The following MYLK variants were observed in gnomAD, a reference collection of about 807,000 sequenced individuals.
The protein encoded by MYLK is myosin light chain kinase, smooth muscle.
A neutral mutation model predicts 203.4 loss-of-function variants in MYLK; 106 were observed. That is an observed-to-expected ratio of 0.52 (90% CI 0.45 to 0.61). The LOEUF (loss-of-function observed/expected upper bound fraction) is 0.61. MYLK is among the 20% of genes least tolerant of loss of function. The pLI, the probability that MYLK is intolerant of heterozygous loss-of-function variation, is 0.00. For synonymous variants in MYLK, 867 were observed against 959.5 expected (o/e 0.90, Z 1.78); for missense variants, 2,072 against 2,442.3 (o/e 0.85, Z 3.20).
At chr3:123,626,664 G>C (rs2058162151) in intron 31 of MYLK, among the ~76,000 whole-genome samples, 154 bp downstream of exon 31, 1 of 152,176 alleles carries the variant, frequency 6.6e-6, no homozygotes, top group Non-Finnish European at 1.5e-5. Flanking sequence ...GCAAACCACT[G>C]TACCTTAATC....
At chr3:123,742,226 C>T (rs1176845540) in intron 5 of MYLK, among the ~76,000 whole-genome samples, 2 of 152,184 alleles carry the variant, frequency 1.3e-5, no homozygotes, top group East Asian at 3.8e-4. Flanking sequence ...CATATCCCCA[C>T]TAGAACTTCT....
At chr3:123,866,927 A>G (rs1172133347) in intron 2 of MYLK, among the ~76,000 whole-genome samples, 1 of 152,048 alleles carries the variant, frequency 6.6e-6, no homozygotes, top group Admixed American at 6.6e-5. Context: ...TTAACCTGAG[A>G]TCTGCATGTC....
Position 123,639,157 on chromosome 3 carries a change from A to T in MYLK, c.4838-963T>A, listed in dbSNP as rs114284977. The T allele has an allele frequency of 8.0e-4, 594 of 740,858 alleles. 3 individuals carry two copies. In the African/African-American group the frequency reaches 0.011, roughly 14 times the overall value. 45.9% of individuals were successfully genotyped at this position (740,858 alleles called of 1,614,324 possible). On this transcript the variant is annotated intron_variant, in intron 28 of 33. Transcript: ENST00000360304. ...GGACAGTGGCCTATTTGTTTAATTT[A>T]TTGGTGGTCACTGTTCAAAGGCAGG...
chr3:123,665,592 A>G (rs1435896832), intron 22 of MYLK, among the ~76,000 whole-genome samples: 1 of 152,208 alleles, frequency 6.6e-6, no homozygotes, highest in Non-Finnish European at 1.5e-5. Context: ...TCTGCTGATC[A>G]TGCATACAGG....
intron 13 of MYLK, among the ~76,000 whole-genome samples, chr3:123,717,902 C>G (rs2061956079): frequency 7.6e-6 from 1 of 131,354 alleles, no homozygotes; most frequent in Non-Finnish European, 1.5e-5. Context: ...GTCATCCAGG[C>G]TGGAGTCCAG....
chr3:123,702,186 G>A (rs1013166479), intron 16 of MYLK, among the ~76,000 whole-genome samples: 1 of 152,154 alleles, frequency 6.6e-6, no homozygotes, highest in Non-Finnish European at 1.5e-5. Context: ...TCAGGGGAGG[G>A]GCTGTACCCT....
chr3:123,776,336 C>T (rs2064077257), intron 4 of MYLK, among the ~76,000 whole-genome samples: 1 of 152,172 alleles, frequency 6.6e-6, no homozygotes, highest in Non-Finnish European at 1.5e-5. Context: ...TTACTGATAA[C>T]AGTGCAAGCT....
chr3:123,740,101 A>T lies in MYLK; in HGVS notation c.374-100T>A, dbSNP rs961842634. On this transcript the variant is annotated intron_variant, in intron 5 of 33. Coordinates refer to ENST00000360304, the MANE Select transcript of MYLK (RefSeq NM_053025.4). ...AGGGGTGGGTGGGATAGTGATGGTGATCATTAATCTTGACTGAGCATGGGC... is the reference window on the plus strand; with the variant it reads ...AGGGGTGGGTGGGATAGTGATGGTGTTCATTAATCTTGACTGAGCATGGGC... 2.3e-5 allele frequency: 27 copies of T among 1,163,776 alleles called. No individual in the cohort carries two copies. In the African/African-American group the frequency reaches 3.9e-4, roughly 17 times the overall value. The allele number at this position is 1,163,776 out of a possible 1,614,324, so 72.1% of individuals were successfully genotyped here. A position where few individuals can be genotyped will look rare whatever the true frequency, so the allele number is the denominator to read the frequency against.
chr3:123,840,371 TATATATATATATATATATATATGAATCC>T (rs2066561911), intron 2 of MYLK, among the ~76,000 whole-genome samples: 1 of 3,672 alleles, frequency 2.7e-4, no homozygotes, highest in Non-Finnish European at 4.2e-4. Flanking sequence ...CTACAGACAT[TATATATATATATATATATATATGAATCC>T]ATATATATAG....
Position 123,722,128 on chromosome 3 carries a change from C to T in MYLK, c.1804G>A (p.Glu602Lys). ...VSCSAWVTVH[E>K]KKSSRKSEYL... ...TACCCAGGTGCCCAGAGGCTCCTAC[C>T]ATGGACGGTGACCCAGGCGCTGCAG... Residue 602 changes from glutamate to lysine, a missense_variant and splice_region_variant, in exon 13 of 34, where the codon GAA becomes AAA. This residue lies in a region of MYLK where 865 missense variants were observed against 1,016.0 expected (regional missense o/e 0.85). Transcript: ENST00000360304. 1 of 1,564,898 alleles carries T rather than the reference C, an allele frequency of 6.4e-7. No individual in the cohort carries two copies. The highest frequency in any genetic ancestry group is 8.7e-7 in the Non-Finnish European group (1 of 1,154,652).
At position 123,612,770 on chromosome 3, in the gene MYLK, G is replaced by A. The variant is rs2057280414; in HGVS notation, c.*1335C>T. 6.6e-6 allele frequency: 1 copy of A among 152,292 alleles called. No homozygotes were observed. The highest frequency in any genetic ancestry group is 2.4e-5 in the African/African-American group (1 of 41,306). The allele number at this position is 152,292 out of a possible 1,614,324, so 9.4% of individuals were successfully genotyped here. ...TTGGTTCTTAAGGAACTCTTAAAAA[G>A]TCCCTTAAAAATATTAAATTGTTGC... On this transcript the variant is annotated 3_prime_UTR_variant, in exon 34 of 34. Transcript: ENST00000360304.
At chr3:123,826,070 A>C (rs548620354) in intron 3 of MYLK, among the ~76,000 whole-genome samples, 48 of 151,060 alleles carry the variant, frequency 3.2e-4, no homozygotes, top group Admixed American at 1.4e-3. Flanking sequence ...CCCCACCCCC[A>C]AAAAAGGGCC....
intron 3 of MYLK, 64 bp downstream of exon 3, chr3:123,831,484 C>T: frequency 4.0e-6 from 5 of 1,246,776 alleles, no homozygotes; most frequent in Non-Finnish European, 5.2e-6. Context: ...CCCCTCTCTG[C>T]AGCCTCCCCA....
chr3:123,666,657 G>A (rs2059744642), intron 21 of MYLK, among the ~76,000 whole-genome samples: 1 of 152,208 alleles, frequency 6.6e-6, no homozygotes, highest in African/African-American at 2.4e-5. Flanking sequence ...ACTCACTTAT[G>A]AATTAAGCAT....
intron 2 of MYLK, among the ~76,000 whole-genome samples, chr3:123,842,827 G>A (rs2066626347): frequency 6.6e-6 from 1 of 152,218 alleles, no homozygotes; most frequent in African/African-American, 2.4e-5. Flanking sequence ...AAGCAAAATA[G>A]ACAAAGATCT....
At chr3:123,856,748 G>A (rs2031411916) in intron 2 of MYLK, among the ~76,000 whole-genome samples, 1 of 151,982 alleles carries the variant, frequency 6.6e-6, no homozygotes, top group Non-Finnish European at 1.5e-5. Flanking sequence ...TGCAAACTGA[G>A]GACACCTGAT....
chr3:123,874,512 A>T (rs1188972574), intron 2 of MYLK, among the ~76,000 whole-genome samples: 2 of 152,144 alleles, frequency 1.3e-5, no homozygotes, highest in Non-Finnish European at 2.9e-5. Context: ...CTAAATATAC[A>T]ACCTAAAAAT....
intron 2 of MYLK, among the ~76,000 whole-genome samples, chr3:123,841,812 A>G (rs1012487154): frequency 3.3e-5 from 5 of 152,196 alleles, no homozygotes; most frequent in African/African-American, 4.8e-5. Context: ...AGGAAGATAT[A>G]ACATTTGTAC....
intron 4 of MYLK, among the ~76,000 whole-genome samples, chr3:123,754,529 C>G (rs2063303766): frequency 6.6e-6 from 1 of 152,140 alleles, no homozygotes; most frequent in African/African-American, 2.4e-5. Context: ...GTGAACAATG[C>G]CTGAAGCCAT....
Sources: allele counts gnomAD v4.1 joint callset (sites outside exome capture counted in the v4.1 genomes callset), GRCh38; gene constraint gnomAD v4.1.1; regional missense constraint gnomAD v4.1.1; transcripts MANE v1.5; gene names NCBI Gene and HGNC (gene_info 2026-07-23, HGNC 2026-07-21).